Variants in TTN observed in about 807,000 individuals in gnomAD.
TTN encodes titin.
In TTN, 1,525 loss-of-function variants were observed where a neutral mutation model predicts 3,223.0. The observed-to-expected ratio is 0.47, with a 90% CI of 0.45 to 0.49. TTN has a LOEUF of 0.49. TTN is among the 20% of genes least tolerant of loss of function. TTN has a pLI of 0.00. For synonymous variants in TTN, 14,094 were observed against 15,161.0 expected (o/e 0.93, Z 5.17); for missense variants, 40,786 against 43,424.0 (o/e 0.94, Z 5.40).
chr2:178,787,085 A>C (rs1258901664), intron 13 of TTN, among the ~76,000 whole-genome samples: 4 of 151,050 alleles, frequency 2.6e-5, no homozygotes, highest in Non-Finnish European at 5.9e-5. Context: ...TTAAAAGTGC[A>C]TTTTAAAAGT....
chr2:178,649,387 TAAG>T lies in TTN; in HGVS notation c.39974-59_39974-57del, dbSNP rs2062551418. 4 of 1,344,958 alleles carry T rather than the reference TAAG, an allele frequency of 3.0e-6. No individual in the cohort carries two copies. In the South Asian group the frequency reaches 5.5e-5, roughly 19 times the overall value. The allele number at this position is 1,344,958 out of a possible 1,614,324, so 83.3% of individuals were successfully genotyped here. A position where few individuals can be genotyped will look rare whatever the true frequency, so the allele number is the denominator to read the frequency against. ...AGTATTTAAAAACATTTTAAAATAT[TAAG>T]AATAAAAAACCTGTATTTATTGGAG... On this transcript the variant is annotated intron_variant, in intron 212 of 362. Coordinates refer to ENST00000589042, the MANE Select transcript of TTN (RefSeq NM_001267550.2).
At position 178,666,798 on chromosome 2, in the gene TTN, A is replaced by G. The variant is rs558537498; in HGVS notation, c.35875+26T>C. Reference sequence around the variant, plus strand: ...AGTACAACTGCAAACATGAGATTAAAAAGGTGACTTTCTTCCAACTTGTAC... The same window carrying G: ...AGTACAACTGCAAACATGAGATTAAGAAGGTGACTTTCTTCCAACTTGTAC... On this transcript the variant is annotated intron_variant, in intron 163 of 362. Transcript: ENST00000589042. 2.0e-6 allele frequency: 3 copies of G among 1,526,656 alleles called. 1 individual carries two copies. The South Asian group carries it at 3.8e-5, about 19-fold the overall frequency. 94.6% of individuals were successfully genotyped at this position (1,526,656 alleles called of 1,614,324 possible).
chr2:178,723,217 T>G lies in TTN; in HGVS notation c.21790A>C (p.Lys7264Gln), dbSNP rs776072028. 1.2e-5 allele frequency: 20 copies of G among 1,613,446 alleles called. No homozygotes were observed. The highest frequency in any genetic ancestry group is 4.0e-5 in the African/African-American group (3 of 74,896). ...GTAGTTATGTTAAAACCATCCTTTT[T>G]CCAAGTGACAGAAATTGGAAGTGTT... Reference protein sequence around the residue: ...TGTLPISVTWKKDGFNITTSE... With the variant: ...TGTLPISVTWQKDGFNITTSE... The change falls in exon 75 of 363, where the codon AAA (lysine) becomes CAA (glutamine). Residue 7264 changes from lysine to glutamine, a missense_variant. By Grantham distance (53) the Lys-to-Gln change is moderately conservative (BLOSUM62 1). Transcript: ENST00000589042.
rs1217550932 is a variant in TTN at position 178,571,147 on chromosome 2, A to G, written c.74985T>C (p.Ser24995=). Residue 24995 remains serine, a synonymous_variant, in exon 326 of 363, where the codon AGT becomes AGC. Coordinates refer to ENST00000589042, the MANE Select transcript of TTN (RefSeq NM_001267550.2). The part of the protein sequence containing the change: ...AENIVGIGKP[S]KVSECYVARD... ...GAGCCACATAACATTCTGATACTTT[A>G]CTCGGCTTGCCAATGCCCACGATGT... 1 of 1,613,210 alleles carries G rather than the reference A, an allele frequency of 6.2e-7. No homozygotes were observed. Among genetic ancestry groups the G allele is most frequent in the African/African-American group, 1.3e-5 (1 of 74,846 alleles).
rs768696299 is a variant in TTN, at chr2:178,711,248, T to C, written c.27988A>G (p.Ile9330Val). The C allele has an allele frequency of 5.6e-6, 9 of 1,613,754 alleles. No individual in the cohort carries two copies. The African/African-American group carries it at 1.1e-4, about 19-fold the overall frequency. The part of the protein sequence containing the change: ...FDCAISGSEP[I>V]SVSWYKDGKP... ...CCGTCTTTATACCAAGACACGGAGA[T>C]AGGTTCTGATCCACTTATGGCACAA... The change falls in exon 97 of 363, where the codon ATC becomes GTC. Residue 9330 changes from isoleucine to valine, a missense_variant. Transcript: ENST00000589042.
chr2:178,746,983 CCTTT>C, intron 47 of TTN: 1 of 1,613,414 alleles, frequency 6.2e-7, no homozygotes, highest in South Asian at 1.1e-5. Context: ...TACCGTCTTC[CCTTT>C]CTATTTTTGA....
chr2:178,800,313 G>C, intron 4 of TTN, 82 bp downstream of exon 4: 1 of 1,560,034 alleles, frequency 6.4e-7, no homozygotes, highest in Non-Finnish European at 8.8e-7. Flanking sequence ...GGCTGTGAGA[G>C]GTGGCAAGTG....
At position 178,653,231 on chromosome 2, in the gene TTN, C is replaced by A; in HGVS notation, c.38791+7G>T. ...ATCATCTGAAGCCTAAGGTCAGTGA[C>A]AAATACCTTTAACAGGTGGGACTTC... is the stretch of plus-strand genomic sequence containing the variant. On this transcript the variant is annotated splice_region_variant and intron_variant, in intron 198 of 362. Coordinates refer to ENST00000589042, the MANE Select transcript of TTN (RefSeq NM_001267550.2). 6.2e-7 allele frequency: 1 copy of A among 1,611,754 alleles called. No individual in the cohort carries two copies. Among genetic ancestry groups the A allele is most frequent in the Non-Finnish European group, 8.5e-7 (1 of 1,179,248 alleles).
In TTN at chr2:178,710,695, T is replaced by A. The variant is rs1241585388; in HGVS notation, c.28402A>T (p.Thr9468Ser). The A allele has an allele frequency of 1.2e-6, 2 of 1,613,404 alleles. No individual in the cohort carries two copies. Among genetic ancestry groups the A allele is most frequent in the African/African-American group, 2.7e-5 (2 of 74,912 alleles). ...CCCACTTCATTCACAGCATAGCAGG[T>A]ATATTGTCCAGAATCTCCTTTGTCT... The part of the protein sequence containing the change: ...KVDKGDSGQY[T>S]CYAVNEVGKD... The change falls in exon 98 of 363, where the codon ACC becomes TCC. Residue 9468 changes from threonine (T) to serine (S), a missense_variant. By Grantham distance (58) the Thr-to-Ser change is moderately conservative. Transcript: ENST00000589042.
intron 199 of TTN, 44 bp downstream of exon 199, chr2:178,652,997 A>G: frequency 1.2e-6 from 2 of 1,603,438 alleles, no homozygotes; most frequent in Non-Finnish European, 1.7e-6. Flanking sequence ...TTTTCAAGAA[A>G]TGAAGAGTTC....
Position 178,725,764 on chromosome 2 carries a change from T to G in TTN, c.20554+4A>C. ...TTTCTGCCATGTGGATGAACTATAT[T>G]TACCTTTCAATTTTACAGTACAAAC... On this transcript the variant is annotated splice_donor_region_variant and intron_variant, in intron 70 of 362. Coordinates refer to ENST00000589042, the MANE Select transcript of TTN (RefSeq NM_001267550.2). 1 of 1,584,052 alleles carries G rather than the reference T, an allele frequency of 6.3e-7. No homozygotes were observed. Among genetic ancestry groups the G allele is most frequent in the African/African-American group, 1.3e-5 (1 of 74,074 alleles).
Position 178,769,841 on chromosome 2 carries a change from A to G in TTN, c.8740T>C (p.Trp2914Arg). 1 of 1,614,118 alleles carries G rather than the reference A, an allele frequency of 6.2e-7. No individual in the cohort carries two copies. Among genetic ancestry groups the G allele is most frequent in the South Asian group, 1.1e-5 (1 of 91,072 alleles). Reference protein sequence around the residue: ...EVSHFNVPSMWLKNGVEIEMS... With the variant: ...EVSHFNVPSMRLKNGVEIEMS... The stretch of plus-strand genomic sequence containing the variant: ...TCAATTTCCACACCATTCTTCAGCC[A>G]CATGGAAGGGACATTGAAGTGGGAC... Residue 2914 changes from tryptophan (W) to arginine (R), a missense_variant, in exon 37 of 363, where the codon TGG becomes CGG. Coordinates refer to ENST00000589042, the MANE Select transcript of TTN (RefSeq NM_001267550.2).
At chr2:178,750,805 A>G (rs2085271591) in intron 47 of TTN, 1 of 1,613,172 alleles carries the variant, frequency 6.2e-7, no homozygotes, top group Non-Finnish European at 8.5e-7. Context: ...CAGGAGTCTC[A>G]TATACTTCCT....
chr2:178,544,520 A>G lies in TTN; in HGVS notation c.95723-14T>C. The G allele has an allele frequency of 6.3e-7, 1 of 1,578,942 alleles. No individual in the cohort carries two copies. The highest frequency in any genetic ancestry group is 8.6e-7 in the Non-Finnish European group (1 of 1,159,052). On this transcript the variant is annotated splice_polypyrimidine_tract_variant and intron_variant, in intron 344 of 362. Coordinates refer to ENST00000589042, the MANE Select transcript of TTN (RefSeq NM_001267550.2). ...GTCCAGGGGTATCTGTGGAATTTAA[A>G]AAGTGAGATGCAGATATTAGGCAAA... is the stretch of plus-strand genomic sequence containing the variant.
chr2:178,588,362 A>G lies in TTN; in HGVS notation c.63188-143T>C, dbSNP rs1196828319. On this transcript the variant is annotated intron_variant, in intron 304 of 362. Coordinates refer to ENST00000589042, the MANE Select transcript of TTN (RefSeq NM_001267550.2). ...CTTTATTTTCCTTCATAAAAATGAG[A>G]ATCTACTATTGTTTGTACCTTTTAG... 3.4e-6 allele frequency: 4 copies of G among 1,167,024 alleles called. No individual in the cohort carries two copies. In the African/African-American group the frequency reaches 6.2e-5, roughly 18 times the overall value. The allele number at this position is 1,167,024 out of a possible 1,614,324, so 72.3% of individuals were successfully genotyped here.
rs1490243211 is a variant in TTN, at chr2:178,544,486, C to A, written c.95743G>T (p.Ala31915Ser). ...EPSYTPGPPS[A>S]PRVVDTTKHS... ...TTGGTGGTATCCACAACTCTTGGAG[C>A]AGAAGGTGGTCCAGGGGTATCTGTG... Residue 31915 changes from alanine to serine, a missense_variant, in exon 345 of 363, where the codon GCT becomes TCT. By Grantham distance (99) the Ala-to-Ser change is moderately conservative. Coordinates refer to ENST00000589042, the MANE Select transcript of TTN (RefSeq NM_001267550.2). 6.9e-6 allele frequency: 11 copies of A among 1,605,078 alleles called. No individual in the cohort carries two copies. The Admixed American group carries it at 1.0e-4, about 15-fold the overall frequency.
Position 178,739,979 on chromosome 2 carries a change from C to A in TTN, c.13254G>T (p.Trp4418Cys), listed in dbSNP as rs767546788. 6.2e-7 allele frequency: 1 copy of A among 1,613,882 alleles called. No homozygotes were observed. Among genetic ancestry groups the A allele is most frequent in the Non-Finnish European group, 8.5e-7 (1 of 1,179,834 alleles). ...CCTCCACCTTTTCAATATTTCTTAG[C>A]CACTCAGAGAAAAGACCTGGCTGCT... The part of the protein sequence containing the change: ...ASEQPGLFSE[W>C]LRNIEKVEVE... The change falls in exon 48 of 363, where the codon TGG becomes TGT. Residue 4418 changes from tryptophan (W) to cysteine (C), a missense_variant. Coordinates refer to ENST00000589042, the MANE Select transcript of TTN (RefSeq NM_001267550.2).
Position 178,717,720 on chromosome 2 carries a change from C to G in TTN, c.25154G>C (p.Gly8385Ala), listed in dbSNP as rs775560531. The G allele has an allele frequency of 1.4e-5, 23 of 1,613,208 alleles. No individual in the cohort carries two copies. In the South Asian group the frequency reaches 2.4e-4, roughly 17 times the overall value. The change falls in exon 87 of 363, where the codon GGC becomes GCC. Residue 8385 changes from glycine (G) to alanine (A), a missense_variant. Gly to Ala is a moderately conservative substitution (Grantham distance 60, BLOSUM62 0). Coordinates refer to ENST00000589042, the MANE Select transcript of TTN (RefSeq NM_001267550.2). ...FPVAFECRIN[G>A]SEPLQVSWYK... ...CCAAGACACTTGAAGAGGTTCTGAG[C>G]CATTGATGCGGCATTCAAATGCAAC...
chr2:178,763,258 AT>A (rs1361756992), intron 43 of TTN, among the ~76,000 whole-genome samples: 1 of 152,212 alleles, frequency 6.6e-6, no homozygotes, highest in Non-Finnish European at 1.5e-5. Context: ...GGATGAGGAA[AT>A]TGGCTGGTGG....
Sources: gnomAD v4.1 joint callset for allele counts (sites outside exome capture counted in the v4.1 genomes callset) on GRCh38, gnomAD v4.1.1 for gene constraint, MANE v1.5 for transcripts, NCBI Gene and HGNC (gene_info 2026-07-23, HGNC 2026-07-21) for gene names.